The following PCOLCE2 variants were observed in gnomAD, a reference collection of about 807,000 sequenced individuals.
The protein encoded by PCOLCE2 is procollagen C-endopeptidase enhancer 2, also known as procollagen C-proteinase enhancer 2.
A neutral mutation model predicts 47.0 loss-of-function variants in PCOLCE2; 42 were observed. The observed-to-expected ratio is 0.89, with a 90% CI of 0.70 to 1.16. The LOEUF (loss-of-function observed/expected upper bound fraction) is 1.16, where lower values mean the gene tolerates loss of function less well. Ranked by LOEUF, PCOLCE2 falls within the 50% of genes most tolerant of loss-of-function variation. The pLI, the probability that PCOLCE2 is intolerant of heterozygous loss-of-function variation, is 0.00. For synonymous variants in PCOLCE2, 169 were observed against 191.7 expected (o/e 0.88, Z 0.98); for missense variants, 500 against 526.1 (o/e 0.95, Z 0.49).
intron 6 of PCOLCE2, among the ~76,000 whole-genome samples, chr3:142,826,419 G>A (rs945168067): frequency 6.6e-6 from 1 of 152,186 alleles, no homozygotes; most frequent in African/African-American, 2.4e-5. Context: ...TCCTCTGAGA[G>A]AGGGGTCACC....
At chr3:142,822,960 A>G (rs908991999) in intron 7 of PCOLCE2, among the ~76,000 whole-genome samples, 4 of 152,246 alleles carry the variant, frequency 2.6e-5, no homozygotes, top group Non-Finnish European at 5.9e-5. Flanking sequence ...TTAAGTAGCT[A>G]TCATAGATGG....
intron 5 of PCOLCE2, among the ~76,000 whole-genome samples, chr3:142,832,763 G>A (rs1937165221): frequency 6.6e-6 from 1 of 151,412 alleles, no homozygotes; most frequent in Admixed American, 6.6e-5. Context: ...CAATGGCATT[G>A]ATCTACACTG....
intron 2 of PCOLCE2, among the ~76,000 whole-genome samples, chr3:142,856,150 C>T (rs1933054386): frequency 6.6e-6 from 1 of 152,192 alleles, no homozygotes; most frequent in Non-Finnish European, 1.5e-5. Context: ...CTTTGCCTAA[C>T]TGTATACTGC....
chr3:142,858,750 T>C (rs13099112), intron 2 of PCOLCE2, among the ~76,000 whole-genome samples: 33 of 151,866 alleles, frequency 2.2e-4, no homozygotes, highest in Non-Finnish European at 2.7e-4. Flanking sequence ...TGTGTGTGTG[T>C]GTGTAAGAGA....
At chr3:142,827,577 T>C in intron 6 of PCOLCE2, 2 of 1,472,374 alleles carry the variant, frequency 1.4e-6, no homozygotes, top group Non-Finnish European at 1.9e-6. Flanking sequence ...ACACTGCCAA[T>C]GTTGAGCTGG....
intron 5 of PCOLCE2, among the ~76,000 whole-genome samples, chr3:142,835,033 TAG>T (rs1225010917): frequency 3.3e-5 from 5 of 152,278 alleles, no homozygotes; most frequent in South Asian, 2.1e-4. Context: ...TTGAAAAAAA[TAG>T]AGTTTCTCCA....
At chr3:142,850,897 G>C (rs1932925013) in intron 2 of PCOLCE2, among the ~76,000 whole-genome samples, 3 of 152,166 alleles carry the variant, frequency 2.0e-5, no homozygotes. Flanking sequence ...GGATTCTGTA[G>C]AGAGGGCAAA....
intron 7 of PCOLCE2, among the ~76,000 whole-genome samples, chr3:142,821,457 C>T (rs1444039317): frequency 3.9e-5 from 6 of 152,050 alleles, no homozygotes; most frequent in Non-Finnish European, 1.5e-5. Flanking sequence ...GGGGTTTGGG[C>T]CACTAAGATG....
chr3:142,872,925 G>A (rs1933422900), intron 2 of PCOLCE2, among the ~76,000 whole-genome samples: 1 of 152,032 alleles, frequency 6.6e-6, no homozygotes, highest in Non-Finnish European at 1.5e-5. Context: ...AAAGATTTAT[G>A]GTCTAAACGG....
Position 142,852,983 on chromosome 3 carries a change from G to A in PCOLCE2, c.193-4511C>T, listed in dbSNP as rs192061348. Among the ~76,000 whole-genome samples the A allele has an allele frequency of 5.6e-4, 84 of 151,292 alleles. 1 individual carries two copies. Among genetic ancestry groups the A allele is most frequent in the African/African-American group, 2.0e-3 (81 of 41,266 alleles). On this transcript the variant is annotated intron_variant, in intron 2 of 8. Transcript: ENST00000295992. The stretch of plus-strand genomic sequence containing the variant: ...TAGCTGGATGTGGTGGTGCATGCCT[G>A]TAGTCCCAGCTACTTAGGAGGCTGA...
In PCOLCE2 at chr3:142,823,625, A is replaced by T. The variant is rs1937041138; in HGVS notation, c.866-10T>A. 2.6e-6 allele frequency: 4 copies of T among 1,515,648 alleles called. No individual in the cohort carries two copies. The East Asian group carries it at 6.8e-5, about 26-fold the overall frequency. 93.9% of individuals were successfully genotyped at this position (1,515,648 alleles called of 1,614,324 possible). A position where few individuals can be genotyped will look rare whatever the true frequency, so the allele number is the denominator to read the frequency against. The stretch of plus-strand genomic sequence containing the variant: ...ACGGTGGGTTTTAAACCTTAATTCA[A>T]AGAAGACATAAGTTTCACGAAAAAT... On this transcript the variant is annotated splice_polypyrimidine_tract_variant and intron_variant, in intron 6 of 8. Coordinates refer to ENST00000295992, the MANE Select transcript of PCOLCE2 (RefSeq NM_013363.4).
intron 2 of PCOLCE2, among the ~76,000 whole-genome samples, chr3:142,880,004 T>G (rs1933580312): frequency 6.7e-6 from 1 of 149,450 alleles, no homozygotes. Flanking sequence ...AATTGTAAAG[T>G]TTCCAAATTA....
chr3:142,876,892 A>T (rs1933506826), intron 2 of PCOLCE2, among the ~76,000 whole-genome samples: 1 of 152,212 alleles, frequency 6.6e-6, no homozygotes, highest in Non-Finnish European at 1.5e-5. Flanking sequence ...AGAAAAAGGC[A>T]TGAATACCAG....
At chr3:142,830,994 C>T (rs1224384452) in intron 5 of PCOLCE2, among the ~76,000 whole-genome samples, 1 of 152,188 alleles carries the variant, frequency 6.6e-6, no homozygotes, top group Admixed American at 6.5e-5. Flanking sequence ...CCTGACCCAA[C>T]CAGTTAGAAA....
At chr3:142,833,402 G>A (rs1398712809) in intron 5 of PCOLCE2, among the ~76,000 whole-genome samples, 3 of 151,422 alleles carry the variant, frequency 2.0e-5, no homozygotes, top group East Asian at 1.9e-4. Flanking sequence ...GGCTGGTCTC[G>A]AACTCCTGAA....
rs751999600 is a variant in PCOLCE2 at position 142,848,501 on chromosome 3, T to C, written c.193-29A>G. The C allele has an allele frequency of 3.2e-6, 5 of 1,573,450 alleles. No individual in the cohort carries two copies. The Admixed American group carries it at 5.3e-5, about 17-fold the overall frequency. On this transcript the variant is annotated intron_variant, in intron 2 of 8. Transcript: ENST00000295992. ...CCAAGAAAAGCGCCAATTAGAAAAC[T>C]GTCATGAAAACAATATCTGAGGCTT...
chr3:142,831,479 A>T (rs1937150902), intron 5 of PCOLCE2, among the ~76,000 whole-genome samples: 1 of 152,206 alleles, frequency 6.6e-6, no homozygotes, highest in Admixed American at 6.5e-5. Context: ...TAAATTACTC[A>T]GTTTCAGGTA....
intron 8 of PCOLCE2, 100 bp from the exon 9 acceptor site, chr3:142,818,565 AATGGTAAGATTATAC>A (rs1936977226): frequency 1.1e-6 from 1 of 941,022 alleles, no homozygotes; most frequent in Middle Eastern, 2.3e-4. Context: ...CTCTTCTGCA[AATGGTAAGATTATAC>A]ATGTATTCCA....
chr3:142,857,581 T>C (rs749321094), intron 2 of PCOLCE2, among the ~76,000 whole-genome samples: 3 of 152,198 alleles, frequency 2.0e-5, no homozygotes, highest in Non-Finnish European at 2.9e-5. Context: ...AGGTAATATT[T>C]CTTTTAAAAC....
Sources: allele counts gnomAD v4.1 joint callset (sites outside exome capture counted in the v4.1 genomes callset), GRCh38; gene constraint gnomAD v4.1.1; transcripts MANE v1.5; gene names NCBI Gene and HGNC (gene_info 2026-07-23, HGNC 2026-07-21).